Variants in PTER observed in about 807,000 individuals in gnomAD.
PTER encodes the protein N-acetyltaurine hydrolase.
In PTER, 38 loss-of-function variants were observed where a neutral mutation model predicts 29.6. That is an observed-to-expected ratio of 1.28 (90% confidence interval 0.99 to 1.68). PTER has a LOEUF of 1.68. Among genes scored for constraint, PTER ranks in the 40% most tolerant of loss-of-function variants. PTER has a pLI of 0.00. For missense variants in PTER, 482 were observed against 427.8 expected (o/e 1.13, Z -1.12); for synonymous variants, 172 against 154.5 (o/e 1.11, Z -0.84).
chr10:16,484,388 T>C lies in PTER; in HGVS notation c.4T>C (p.Ser2Pro). 6.3e-7 allele frequency: 1 copy of C among 1,575,502 alleles called. No homozygotes were observed. Among genetic ancestry groups the C allele is most frequent in the Non-Finnish European group, 8.6e-7 (1 of 1,166,670 alleles). ...TCTCTTGGTGGTACCATCAGAAATG[T>C]CTTCCTTAAGTGGAAAAGTCCAAAC... M[S>P]SLSGKVQTVL... The change falls in exon 2 of 5, where the codon TCT becomes CCT. Residue 2 changes from serine to proline, a missense_variant. Ser to Pro is a moderately conservative substitution (Grantham distance 74). Transcript: ENST00000535784.
chr10:16,508,977 A>C (rs796247566), intron 4 of PTER, among the ~76,000 whole-genome samples: 34 of 152,330 alleles, frequency 2.2e-4, no homozygotes, highest in African/African-American at 7.5e-4. Flanking sequence ...AGCACCAGAA[A>C]TTCTGTGTCT....
intron 3 of PTER, among the ~76,000 whole-genome samples, chr10:16,500,548 G>C (rs755826975): frequency 6.6e-6 from 1 of 151,968 alleles, no homozygotes; most frequent in Admixed American, 6.6e-5. Context: ...CAATGTGCCC[G>C]GCCAGGGGTT....
At chr10:16,491,003 A>G (rs971372762) in intron 3 of PTER, among the ~76,000 whole-genome samples, 6 of 151,918 alleles carry the variant, frequency 3.9e-5, no homozygotes, top group African/African-American at 1.5e-4. Flanking sequence ...ATACACACAC[A>G]TATGTATTTT....
intron 1 of PTER, among the ~76,000 whole-genome samples, chr10:16,448,632 A>T (rs776292045): frequency 7.2e-5 from 11 of 152,196 alleles, no homozygotes; most frequent in Non-Finnish European, 1.2e-4. Context: ...ATATCTCACC[A>T]ATAAGTCTGG....
At chr10:16,447,646 G>A (rs779323485) in intron 1 of PTER, among the ~76,000 whole-genome samples, 3 of 152,124 alleles carry the variant, frequency 2.0e-5, no homozygotes, top group Non-Finnish European at 4.4e-5. Context: ...ATAAATATGC[G>A]AAAGCTTTGT....
At chr10:16,476,688 C>T (rs1835278702) in intron 1 of PTER, among the ~76,000 whole-genome samples, 1 of 151,980 alleles carries the variant, frequency 6.6e-6, no homozygotes, top group African/African-American at 2.4e-5. Flanking sequence ...CCTCCCACCT[C>T]AGCCTCCAGA....
intron 1 of PTER, among the ~76,000 whole-genome samples, chr10:16,468,891 C>G (rs1320941926): frequency 6.6e-6 from 1 of 152,008 alleles, no homozygotes; most frequent in East Asian, 1.9e-4. Flanking sequence ...GGGAGGATCT[C>G]TTGAGCCCAG....
In PTER at chr10:16,505,111, C is replaced by T; in HGVS notation, c.790C>T (p.Gln264Ter). The change falls in exon 4 of 5, where the codon CAA becomes TAA. Residue 264 changes from glutamine (Q) to a stop codon, truncating the protein, a stop_gained. Transcript: ENST00000535784. LOFTEE classifies it high-confidence loss of function. ...CTTTGGTACTGAACTACTTCATTAC[C>T]AACTCGGCCCAGATATTGACATGCC... ...DLFGTELLHY[Q>*]LGPDIDMPDD... The T allele has an allele frequency of 6.2e-7, 1 of 1,613,920 alleles. No individual in the cohort carries two copies. Among genetic ancestry groups the T allele is most frequent in the Non-Finnish European group, 8.5e-7 (1 of 1,179,902 alleles).
At chr10:16,456,602 T>C (rs1487111136) in intron 1 of PTER, among the ~76,000 whole-genome samples, 2 of 152,184 alleles carry the variant, frequency 1.3e-5, no homozygotes, top group East Asian at 1.9e-4. Flanking sequence ...GTTCTTCTCT[T>C]AGCAATAAAG....
intron 3 of PTER, among the ~76,000 whole-genome samples, chr10:16,490,960 C>A (rs1382589585): frequency 6.6e-6 from 1 of 151,716 alleles, no homozygotes; most frequent in Non-Finnish European, 1.5e-5. Context: ...ATACACTACA[C>A]CTATATATAC....
At chr10:16,441,437 G>A (rs1260814712) in intron 1 of PTER, among the ~76,000 whole-genome samples, 2 of 152,102 alleles carry the variant, frequency 1.3e-5, no homozygotes, top group African/African-American at 4.8e-5. Flanking sequence ...CTGGCTATCT[G>A]ATTTCGGATC....
intron 4 of PTER, among the ~76,000 whole-genome samples, chr10:16,508,927 C>T (rs1010555373): frequency 2.0e-5 from 3 of 152,176 alleles, no homozygotes; most frequent in African/African-American, 7.2e-5. Flanking sequence ...CCTTGAAGTG[C>T]ATGAACACAG....
At chr10:16,492,476 A>G (rs886410550) in intron 3 of PTER, among the ~76,000 whole-genome samples, 1 of 151,988 alleles carries the variant, frequency 6.6e-6, no homozygotes, top group Admixed American at 6.6e-5. Flanking sequence ...AAAAAACAAC[A>G]CCCCACATAT....
intron 3 of PTER, among the ~76,000 whole-genome samples, chr10:16,504,219 A>G (rs141348722): frequency 6.6e-6 from 1 of 152,086 alleles, no homozygotes; most frequent in East Asian, 1.9e-4. Context: ...ACTTGTTATA[A>G]TGCAAATTTC....
chr10:16,469,713 C>CACAG (rs1834975000), intron 1 of PTER, among the ~76,000 whole-genome samples: 1 of 151,832 alleles, frequency 6.6e-6, no homozygotes, highest in Admixed American at 6.6e-5. Flanking sequence ...TAGGTGGGAC[C>CACAG]ACAGGTGCAT....
At chr10:16,468,293 G>A (rs1415186816) in intron 1 of PTER, among the ~76,000 whole-genome samples, 6 of 151,982 alleles carry the variant, frequency 3.9e-5, no homozygotes, top group Non-Finnish European at 7.4e-5. Context: ...AGTGAGCCGA[G>A]ATCAAACCAC....
intron 3 of PTER, among the ~76,000 whole-genome samples, chr10:16,496,212 G>T (rs1836090826): frequency 6.6e-6 from 1 of 152,088 alleles, no homozygotes; most frequent in South Asian, 2.1e-4. Context: ...CCTTAGTTTT[G>T]GTCCCAGATC....
chr10:16,459,192 C>T (rs1008785892), intron 1 of PTER, among the ~76,000 whole-genome samples: 4 of 152,126 alleles, frequency 2.6e-5, no homozygotes, highest in South Asian at 2.1e-4. Context: ...CCCTTCCAGT[C>T]GCAAGATCTA....
chr10:16,487,800 G>T (rs548265746), intron 3 of PTER, among the ~76,000 whole-genome samples: 3 of 152,160 alleles, frequency 2.0e-5, no homozygotes, highest in Non-Finnish European at 2.9e-5. Context: ...CTTCTATCTT[G>T]CCTATTGGAG....
Sources: gnomAD v4.1 joint callset for allele counts (sites outside exome capture counted in the v4.1 genomes callset) on GRCh38, gnomAD v4.1.1 for gene constraint, MANE v1.5 for transcripts, NCBI Gene and HGNC (gene_info 2026-07-23, HGNC 2026-07-21) for gene names.